GPATCH2: variants seen among roughly 807,000 people sequenced by gnomAD.
GPATCH2 encodes G-patch domain containing 2.
A neutral mutation model predicts 58.0 loss-of-function variants in GPATCH2; 51 were observed. The observed-to-expected ratio is 0.88, with a 90% CI of 0.70 to 1.11. GPATCH2 has a LOEUF of 1.11. Ranked by LOEUF, GPATCH2 falls within the 50% of genes most tolerant of loss-of-function variation. The pLI is 0.00. For synonymous variants in GPATCH2, 222 were observed against 218.5 expected (o/e 1.02, Z -0.14); for missense variants, 625 against 652.2 (o/e 0.96, Z 0.45).
chr1:217,548,563 C>A (rs985970362), intron 5 of GPATCH2, among the ~76,000 whole-genome samples: 1 of 152,124 alleles, frequency 6.6e-6, no homozygotes, highest in Non-Finnish European at 1.5e-5. Context: ...TCAGTTCACA[C>A]AATTTTTATA....
At chr1:217,521,079 C>T (rs61201094) in intron 5 of GPATCH2, among the ~76,000 whole-genome samples, 4,466 of 152,266 alleles carry the variant, frequency 0.029, 204 homozygotes, top group African/African-American at 0.1. Flanking sequence ...CTTCCAGCCT[C>T]AAGTAATCTT....
In GPATCH2 at chr1:217,514,902, TTA is replaced by T; in HGVS notation, c.1099-15_1099-14del. On this transcript the variant is annotated splice_polypyrimidine_tract_variant and intron_variant, in intron 5 of 9. Coordinates refer to ENST00000366935, the MANE Select transcript of GPATCH2 (RefSeq NM_018040.5). ...CAGGAATGGGTACCTACAGGGAGATTTAAAAAGAAAAAATAAATTTCAGATTT... is the reference window on the plus strand; with the variant it reads ...CAGGAATGGGTACCTACAGGGAGATTAAAAGAAAAAATAAATTTCAGATTT... 7.5e-7 allele frequency: 1 copy of T among 1,326,812 alleles called. No homozygotes were observed. Among genetic ancestry groups the T allele is most frequent in the Non-Finnish European group, 1.1e-6 (1 of 920,632 alleles). 82.2% of individuals were successfully genotyped at this position (1,326,812 alleles called of 1,614,324 possible).
chr1:217,623,431 T>C (rs1669298521), intron 1 of GPATCH2, among the ~76,000 whole-genome samples: 2 of 152,026 alleles, frequency 1.3e-5, no homozygotes, highest in South Asian at 4.2e-4. Context: ...AGTATTGCTG[T>C]AACCAATAGA....
chr1:217,554,846 A>G (rs1033131627), intron 5 of GPATCH2, among the ~76,000 whole-genome samples: 2 of 152,204 alleles, frequency 1.3e-5, no homozygotes, highest in African/African-American at 4.8e-5. Context: ...CTTTTCTCCC[A>G]TATTTATCCA....
At chr1:217,458,605 A>T (rs1016910179) in intron 8 of GPATCH2, among the ~76,000 whole-genome samples, 2 of 152,100 alleles carry the variant, frequency 1.3e-5, no homozygotes, top group African/African-American at 4.8e-5. Flanking sequence ...TTTTTTCTTA[A>T]CAACTGGTAC....
chr1:217,562,903 T>G (rs942952959), intron 5 of GPATCH2, among the ~76,000 whole-genome samples: 1 of 152,244 alleles, frequency 6.6e-6, no homozygotes, highest in Non-Finnish European at 1.5e-5. Flanking sequence ...AGTAGTAAAC[T>G]TTGAAAACTT....
chr1:217,485,403 T>C (rs1257857809), intron 8 of GPATCH2, among the ~76,000 whole-genome samples: 3 of 152,044 alleles, frequency 2.0e-5, no homozygotes, highest in Non-Finnish European at 2.9e-5. Context: ...CCCAGTCAAA[T>C]TGACACATAA....
chr1:217,573,996 CA>C (rs1017452409), intron 5 of GPATCH2, among the ~76,000 whole-genome samples: 6 of 152,164 alleles, frequency 3.9e-5, no homozygotes, highest in Admixed American at 3.9e-4. Context: ...GTTTGCTTGG[CA>C]AAAATGATAT....
At chr1:217,559,868 CAGAGGG>C (rs992667203) in intron 5 of GPATCH2, among the ~76,000 whole-genome samples, 2 of 149,592 alleles carry the variant, frequency 1.3e-5, no homozygotes, top group African/African-American at 2.5e-5. Flanking sequence ...CACAAAAATC[CAGAGGG>C]AGAGAGAGAG....
At chr1:217,618,098 A>G (rs1423110537) in intron 2 of GPATCH2, among the ~76,000 whole-genome samples, 1 of 152,156 alleles carries the variant, frequency 6.6e-6, no homozygotes, top group Non-Finnish European at 1.5e-5. Context: ...AATTACTTTC[A>G]AGTAAGGTTG....
chr1:217,437,198 G>A (rs1658878087), intron 9 of GPATCH2, among the ~76,000 whole-genome samples: 1 of 152,104 alleles, frequency 6.6e-6, no homozygotes, highest in Non-Finnish European at 1.5e-5. Flanking sequence ...GTGCACTCCA[G>A]CCCAGATACT....
chr1:217,597,548 T>A (rs1467675979), intron 5 of GPATCH2, among the ~76,000 whole-genome samples: 5 of 152,092 alleles, frequency 3.3e-5, no homozygotes, highest in Non-Finnish European at 7.4e-5. Flanking sequence ...GTCTATTTTT[T>A]AAAAAGTTGA....
At chr1:217,434,028 G>C (rs910687288) in intron 9 of GPATCH2, among the ~76,000 whole-genome samples, 52 of 152,134 alleles carry the variant, frequency 3.4e-4, no homozygotes, top group Admixed American at 5.2e-4. Flanking sequence ...CTACATCATT[G>C]CCATTTGCTA....
intron 5 of GPATCH2, among the ~76,000 whole-genome samples, chr1:217,524,414 C>G (rs1023213604): frequency 1.5e-5 from 2 of 134,174 alleles, no homozygotes; most frequent in South Asian, 2.5e-4. Context: ...ACATCCCAGA[C>G]GATGGGCGGC....
chr1:217,599,128 T>C (rs997144699), intron 5 of GPATCH2, among the ~76,000 whole-genome samples: 2 of 151,118 alleles, frequency 1.3e-5, no homozygotes, highest in African/African-American at 4.9e-5. Context: ...GGAGAAAGAG[T>C]GGGGGCACTG....
chr1:217,462,378 T>C (rs1660235593), intron 8 of GPATCH2, among the ~76,000 whole-genome samples: 1 of 152,152 alleles, frequency 6.6e-6, no homozygotes, highest in African/African-American at 2.4e-5. Context: ...TCACTTTTCT[T>C]TGCACATAAA....
intron 6 of GPATCH2, among the ~76,000 whole-genome samples, chr1:217,514,621 A>G (rs1456011027): frequency 6.6e-6 from 1 of 152,236 alleles, no homozygotes; most frequent in Non-Finnish European, 1.5e-5. Flanking sequence ...AAATAACAGA[A>G]TAACTATATT....
chr1:217,430,950 G>A lies in GPATCH2; in HGVS notation c.*195C>T. 1.7e-6 allele frequency: 1 copy of A among 592,424 alleles called. No individual in the cohort carries two copies. The highest frequency in any genetic ancestry group is 3.0e-6 in the Non-Finnish European group (1 of 332,988). 36.7% of individuals were successfully genotyped at this position (592,424 alleles called of 1,614,324 possible). A position where few individuals can be genotyped will look rare whatever the true frequency, so the allele number is the denominator to read the frequency against. Reference sequence around the variant, plus strand: ...TACTGAAAAAAATTAAAGTGCAGAGGTTTTCATTTTAGCACCATGAATTGT... The same window carrying A: ...TACTGAAAAAAATTAAAGTGCAGAGATTTTCATTTTAGCACCATGAATTGT... On this transcript the variant is annotated 3_prime_UTR_variant, in exon 10 of 10. Coordinates refer to ENST00000366935, the MANE Select transcript of GPATCH2 (RefSeq NM_018040.5).
chr1:217,494,595 C>A (rs376078967), intron 7 of GPATCH2, among the ~76,000 whole-genome samples: 1 of 152,004 alleles, frequency 6.6e-6, no homozygotes, highest in South Asian at 2.1e-4. Flanking sequence ...AAAAATTAGC[C>A]GGGCATGGTG....
Sources: allele counts gnomAD v4.1 joint callset (sites outside exome capture counted in the v4.1 genomes callset), GRCh38; gene constraint gnomAD v4.1.1; transcripts MANE v1.5; gene names NCBI Gene and HGNC (gene_info 2026-07-23, HGNC 2026-07-21).